FAM222B: variants seen among roughly 807,000 people sequenced by gnomAD.
FAM222B encodes the protein family with sequence similarity 222 member B.
In FAM222B, 12 loss-of-function variants were observed where a neutral mutation model predicts 38.0. The ratio of observed to expected loss-of-function variants is 0.32; its 90% CI spans 0.20 to 0.51. The LOEUF (loss-of-function observed/expected upper bound fraction) is 0.51. FAM222B is among the 20% of genes least tolerant of loss of function. The pLI is 0.97. For synonymous variants in FAM222B, 329 were observed against 317.2 expected (o/e 1.04, Z -0.40); for missense variants, 716 against 754.2 (o/e 0.95, Z 0.59).
chr17:28,758,719 G>C lies in FAM222B; in HGVS notation c.1240C>G (p.Leu414Val). 6.3e-7 allele frequency: 1 copy of C among 1,589,006 alleles called. No homozygotes were observed. Among genetic ancestry groups the C allele is most frequent in the East Asian group, 2.3e-5 (1 of 43,804 alleles). ...VGKAPAYPQELCLAQSFHLKP... is the reference protein window; with the variant it reads ...VGKAPAYPQEVCLAQSFHLKP... Reference sequence around the variant, plus strand: ...AGATGGAAGGACTGCGCCAGGCAGAGTTCCTGCGGGTAGGCAGGGGCCTTG... The same window carrying C: ...AGATGGAAGGACTGCGCCAGGCAGACTTCCTGCGGGTAGGCAGGGGCCTTG... Residue 414 changes from leucine (L) to valine (V), a missense_variant, in exon 3 of 3, where the codon CTC becomes GTC. By Grantham distance (32) the Leu-to-Val change is conservative. Transcript: ENST00000581407.
rs569668621 is a variant in FAM222B, at chr17:28,831,330, C to T, written c.-41+11352G>A. On this transcript the variant is annotated intron_variant, in intron 1 of 2. Coordinates refer to ENST00000581407, the MANE Select transcript of FAM222B (RefSeq NM_001077498.3). The stretch of plus-strand genomic sequence containing the variant: ...CTGAACCTCTGTTCTGTTCATTGAT[C>T]TATGTATCTATCCTTCTGCCAATAC... 3.4e-4 allele frequency among the ~76,000 whole-genome samples: 52 copies of T among 152,054 alleles called. 1 individual carries two copies. In the South Asian group the frequency reaches 9.3e-3, roughly 27 times the overall value.
rs1017718981 is a variant in FAM222B, at chr17:28,758,049, C to T, written c.*221G>A. 3.1e-5 allele frequency: 14 copies of T among 455,240 alleles called. No homozygotes were observed. Among genetic ancestry groups the T allele is most frequent in the Non-Finnish European group, 4.3e-5 (11 of 258,644 alleles). 28.2% of individuals were successfully genotyped at this position (455,240 alleles called of 1,614,324 possible). A position where few individuals can be genotyped will look rare whatever the true frequency, so the allele number is the denominator to read the frequency against. ...ACAGGCAGTCAGTGGAGAGAAAAGC[C>T]TGGGCTTAGGGTTAGGTTCTAACAT... On this transcript the variant is annotated 3_prime_UTR_variant, in exon 3 of 3. Transcript: ENST00000581407.
intron 1 of FAM222B, among the ~76,000 whole-genome samples, chr17:28,837,656 T>G (rs973628081): frequency 5.3e-5 from 8 of 151,516 alleles, no homozygotes; most frequent in African/African-American, 1.5e-4. Flanking sequence ...GTTTTTTTTT[T>G]TTTGTTTTTT....
intron 1 of FAM222B, among the ~76,000 whole-genome samples, chr17:28,777,593 T>A (rs2035950518): frequency 6.6e-6 from 1 of 152,182 alleles, no homozygotes; most frequent in Non-Finnish European, 1.5e-5. Context: ...GCAAGATTAT[T>A]CAGACAATAA....
chr17:28,813,197 C>A (rs2037881418), intron 1 of FAM222B, among the ~76,000 whole-genome samples: 1 of 144,714 alleles, frequency 6.9e-6, no homozygotes, highest in South Asian at 2.2e-4. Flanking sequence ...GTTTCAGATA[C>A]AAAACATCCA....
At chr17:28,799,303 T>C (rs1425256793) in intron 1 of FAM222B, among the ~76,000 whole-genome samples, 1 of 144,742 alleles carries the variant, frequency 6.9e-6, no homozygotes, top group East Asian at 2.1e-4. Flanking sequence ...AAAACTTTTT[T>C]TTTTTTTTTT....
chr17:28,807,780 A>C (rs909487247), intron 1 of FAM222B, among the ~76,000 whole-genome samples: 2 of 152,254 alleles, frequency 1.3e-5, no homozygotes, highest in African/African-American at 4.8e-5. Context: ...ACTAAACAAA[A>C]GGACCATCAA....
intron 1 of FAM222B, among the ~76,000 whole-genome samples, chr17:28,795,999 G>T (rs922019564): frequency 5.9e-5 from 9 of 152,142 alleles, no homozygotes; most frequent in African/African-American, 2.2e-4. Context: ...TCCAAGGAAG[G>T]ACAGTATGTT....
chr17:28,847,919 A>T (rs1426463742), intron 1 of FAM222B, among the ~76,000 whole-genome samples: 1 of 151,830 alleles, frequency 6.6e-6, no homozygotes, highest in Non-Finnish European at 1.5e-5. Flanking sequence ...GCCTCAAAAA[A>T]AAAAAAAAGA....
At chr17:28,771,546 T>G (rs2151803658) in intron 1 of FAM222B, among the ~76,000 whole-genome samples, 1 of 151,810 alleles carries the variant, frequency 6.6e-6, no homozygotes, top group Non-Finnish European at 1.5e-5. Context: ...TCGGGCGTGG[T>G]GATGGGCACC....
chr17:28,791,100 CG>C (rs2036664928), intron 1 of FAM222B, among the ~76,000 whole-genome samples: 1 of 150,934 alleles, frequency 6.6e-6, no homozygotes, highest in Non-Finnish European at 1.5e-5. Context: ...TTAGTAGAGA[CG>C]GGGTTTCACT....
intron 1 of FAM222B, among the ~76,000 whole-genome samples, chr17:28,783,975 T>C (rs2036279635): frequency 1.3e-5 from 2 of 151,128 alleles, no homozygotes. Context: ...ATTTTTTGTA[T>C]TTTTAGTAGA....
In FAM222B at chr17:28,790,897, T is replaced by A. The variant is rs1242456664; in HGVS notation, c.-40-24190A>T. 3.8e-3 allele frequency among the ~76,000 whole-genome samples: 399 copies of A among 103,842 alleles called. 36 individuals are homozygous for A. The South Asian group carries it at 0.078, about 20-fold the overall frequency. The allele number at this position is 103,842 out of a possible 152,430, so 68.1% of individuals were successfully genotyped here. On this transcript the variant is annotated intron_variant, in intron 1 of 2. Coordinates refer to ENST00000581407, the MANE Select transcript of FAM222B (RefSeq NM_001077498.3). ...CAAATTGTTTCACTTTTTTTTTTTT[T>A]TTTTTTTTTTTTTTTTTTAGAGACA...
At position 28,784,901 on chromosome 17, in the gene FAM222B, C is replaced by T. The variant is rs142538332; in HGVS notation, c.-40-18194G>A. 2.3e-4 allele frequency among the ~76,000 whole-genome samples: 35 copies of T among 152,128 alleles called. No homozygotes were observed. The East Asian group carries it at 6.8e-3, about 29-fold the overall frequency. ...GAGTAGGTGGGACTACAGGTGTGAG[C>T]CACCATGCCCAGCTATTTTTTTTTT... On this transcript the variant is annotated intron_variant, in intron 1 of 2. Coordinates refer to ENST00000581407, the MANE Select transcript of FAM222B (RefSeq NM_001077498.3).
intron 1 of FAM222B, among the ~76,000 whole-genome samples, chr17:28,789,155 T>C (rs2036555325): frequency 6.7e-6 from 1 of 149,346 alleles, no homozygotes; most frequent in South Asian, 2.1e-4. Context: ...AAACAAAAGT[T>C]CAAAATTCTT....
At chr17:28,804,460 G>T (rs982158718) in intron 1 of FAM222B, among the ~76,000 whole-genome samples, 1 of 151,820 alleles carries the variant, frequency 6.6e-6, no homozygotes, top group Admixed American at 6.6e-5. Flanking sequence ...TCAGCCTCCC[G>T]AGTAGCTGGG....
Position 28,770,871 on chromosome 17 carries a change from A to G in FAM222B, c.-40-4164T>C, listed in dbSNP as rs142032020. On this transcript the variant is annotated intron_variant, in intron 1 of 2. Transcript: ENST00000581407. ...GGCGTGAACCACAGTGTTGGGCCAT[A>G]TCAGTTTCCATTTTGAATAGTACAT... Among the ~76,000 whole-genome samples, 288 of 152,064 alleles carry G rather than the reference A, an allele frequency of 1.9e-3. No homozygotes were observed. The East Asian group carries it at 0.032, about 17-fold the overall frequency.
At chr17:28,779,151 C>T (rs888150146) in intron 1 of FAM222B, among the ~76,000 whole-genome samples, 3 of 152,014 alleles carry the variant, frequency 2.0e-5, no homozygotes, top group Non-Finnish European at 2.9e-5. Flanking sequence ...TCAAAGACGA[C>T]GAATACTTCC....
chr17:28,810,384 ACTAG>A (rs2037698366), intron 1 of FAM222B, among the ~76,000 whole-genome samples: 2 of 152,150 alleles, frequency 1.3e-5, no homozygotes, highest in South Asian at 4.1e-4. Context: ...TGTTTTATAT[ACTAG>A]CTAACTTTGT....
Sources: gnomAD v4.1 joint callset for allele counts (sites outside exome capture counted in the v4.1 genomes callset) on GRCh38, gnomAD v4.1.1 for gene constraint, MANE v1.5 for transcripts, NCBI Gene and HGNC (gene_info 2026-07-23, HGNC 2026-07-21) for gene names.